XPO5: variants seen among roughly 807,000 people sequenced by gnomAD.
XPO5 encodes exportin 5, also known as exportin-5.
XPO5 carries 46 observed loss-of-function variants against 160.6 expected under a neutral mutation model. The observed-to-expected ratio is 0.29, with a 90% confidence interval of 0.23 to 0.37. XPO5 has a LOEUF of 0.37. XPO5 is among the 10% of genes least tolerant of loss of function. The probability of loss-of-function intolerance (pLI) is 1.00; values close to 1 mark genes in which losing one functional copy is unlikely to be tolerated. For missense variants in XPO5, 1,090 were observed against 1,463.9 expected (o/e 0.74, Z 4.17); for synonymous variants, 537 against 519.3 (o/e 1.03, Z -0.46).
chr6:43,566,198 G>C (rs969144317), intron 7 of XPO5, among the ~76,000 whole-genome samples: 1 of 152,140 alleles, frequency 6.6e-6, no homozygotes, highest in Non-Finnish European at 1.5e-5. Flanking sequence ...TTCGAGACCA[G>C]CCTGGCCAAC....
intron 3 of XPO5, among the ~76,000 whole-genome samples, chr6:43,572,075 CTTTTG>C (rs959206129): frequency 6.6e-5 from 10 of 152,056 alleles, no homozygotes; most frequent in Non-Finnish European, 7.4e-5. Context: ...ATGCTTTCTG[CTTTTG>C]TTTTGTTTTG....
chr6:43,574,197 G>A (rs1011113212), intron 1 of XPO5, among the ~76,000 whole-genome samples: 1 of 151,976 alleles, frequency 6.6e-6, no homozygotes, highest in Non-Finnish European at 1.5e-5. Context: ...CTACTCAGGA[G>A]GCTGAAGTGG....
intron 6 of XPO5, among the ~76,000 whole-genome samples, chr6:43,567,738 C>T (rs1451671597): frequency 1.3e-5 from 2 of 151,042 alleles, no homozygotes; most frequent in Non-Finnish European, 3.0e-5. Flanking sequence ...ACCAAAAAAA[C>T]AAAAAATAAA....
chr6:43,568,742 A>G lies in XPO5; in HGVS notation c.622-5T>C. ...CTCCTGAGAAGTATCTGTCTTCTGA[A>G]AGGAAGTATAAAGATCCAGTGTTTT... On this transcript the variant is annotated splice_polypyrimidine_tract_variant and splice_region_variant and intron_variant, in intron 5 of 31. Coordinates refer to ENST00000265351, the MANE Select transcript of XPO5 (RefSeq NM_020750.3). The G allele has an allele frequency of 6.4e-7, 1 of 1,574,586 alleles. No homozygotes were observed. The highest frequency in any genetic ancestry group is 1.2e-5 in the South Asian group (1 of 85,206).
chr6:43,540,029 CG>C (rs754802384), intron 20 of XPO5, among the ~76,000 whole-genome samples: 25 of 152,184 alleles, frequency 1.6e-4, no homozygotes, highest in Admixed American at 5.9e-4. Flanking sequence ...CCAAGATGGG[CG>C]GATCACCTGA....
In XPO5 at chr6:43,555,899, G is replaced by C; in HGVS notation, c.1378C>G (p.Gln460Glu). The part of the protein sequence containing the change: ...ACRLDPKTSF[Q>E]MAGEWLKYQL... The stretch of plus-strand genomic sequence containing the variant: ...TACTTTAGCCACTCCCCAGCCATCT[G>C]GAAGCTAGTTTTGGGATCCAAACGA... The change falls in exon 13 of 32, where the codon CAG becomes GAG. Residue 460 changes from glutamine (Q) to glutamate (E), a missense_variant. Transcript: ENST00000265351. The C allele has an allele frequency of 6.2e-7, 1 of 1,613,986 alleles. No homozygotes were observed. The highest frequency in any genetic ancestry group is 8.5e-7 in the Non-Finnish European group (1 of 1,179,882).
intron 26 of XPO5, 168 bp downstream of exon 26, chr6:43,527,466 G>T (rs1793670375): frequency 6.4e-6 from 4 of 622,676 alleles, no homozygotes; most frequent in South Asian, 5.9e-5. Context: ...TAGAGACAGG[G>T]TTTCACCATG....
intron 1 of XPO5, 147 bp from the exon 2 acceptor site, chr6:43,573,748 T>A: frequency 1.1e-6 from 1 of 910,618 alleles, no homozygotes; most frequent in African/African-American, 1.7e-5. Flanking sequence ...GTGGACTACT[T>A]GAGTCTAGGA....
chr6:43,558,445 A>G, intron 12 of XPO5, 56 bp downstream of exon 12: 3 of 1,456,018 alleles, frequency 2.1e-6, no homozygotes, highest in Non-Finnish European at 2.8e-6. Flanking sequence ...CATGATTCAT[A>G]ATACTAGATG....
At chr6:43,549,374 A>G in intron 17 of XPO5, 115 bp downstream of exon 17, 3 of 1,047,606 alleles carry the variant, frequency 2.9e-6, no homozygotes, top group South Asian at 3.4e-5. Flanking sequence ...AAGGATGCTT[A>G]TATGATGCAA....
At chr6:43,545,504 C>T (rs1034646737) in intron 20 of XPO5, among the ~76,000 whole-genome samples, 2 of 151,942 alleles carry the variant, frequency 1.3e-5, no homozygotes, top group African/African-American at 4.8e-5. Context: ...GCCAGGAGTT[C>T]GAGACCAGCC....
In XPO5 at chr6:43,530,780, A is replaced by C. The variant is rs1447497143; in HGVS notation, c.2585T>G (p.Phe862Cys). The change falls in exon 23 of 32, where the codon TTC (phenylalanine) becomes TGC (cysteine). Residue 862 changes from phenylalanine to cysteine, a missense_variant. By Grantham distance (205) the Phe-to-Cys change is radical (BLOSUM62 -2). Around this residue, in one of 3 missense-constraint regions of XPO5, gnomAD observed 810 missense variants for 1,139.0 expected, o/e 0.71. Coordinates refer to ENST00000265351, the MANE Select transcript of XPO5 (RefSeq NM_020750.3). ...GKAGPSMQQD[F>C]YTVEDLATQL... Reference sequence around the variant, plus strand: ...GGTAGCAAGGTCCTCCACAGTATAGAAGTCTTGCTGCATGGAAGGGCCTGC... The same window carrying C: ...GGTAGCAAGGTCCTCCACAGTATAGCAGTCTTGCTGCATGGAAGGGCCTGC... 1 of 1,613,892 alleles carries C rather than the reference A, an allele frequency of 6.2e-7. No individual in the cohort carries two copies. The highest frequency in any genetic ancestry group is 8.5e-7 in the Non-Finnish European group (1 of 1,179,840).
Position 43,523,762 on chromosome 6 carries a change from CAG to C in XPO5, c.*104_*105del. The C allele has an allele frequency of 6.4e-7, 1 of 1,567,890 alleles. No homozygotes were observed. The highest frequency in any genetic ancestry group is 1.1e-5 in the South Asian group (1 of 89,528). ...AGACCTGGATCTCTTTCCAGGCTGA[CAG>C]TGGTGGAAAGTGAGGTGGCAGTGCA... On this transcript the variant is annotated 3_prime_UTR_variant, in exon 32 of 32. Coordinates refer to ENST00000265351, the MANE Select transcript of XPO5 (RefSeq NM_020750.3).
In XPO5 at chr6:43,546,737, A is replaced by G; in HGVS notation, c.2176T>C (p.Tyr726His). ...LNRARMSFCVYSILGVVKRTC... is the reference protein window; with the variant it reads ...LNRARMSFCVHSILGVVKRTC... ...CGTTTCACCACACCCAGAATGCTGT[A>G]TACACAAAAGCTCATCTATAGAAAA... Residue 726 changes from tyrosine to histidine, a missense_variant, in exon 20 of 32, where the codon TAC becomes CAC. Physicochemically the swap from Tyr to His is moderately conservative, Grantham distance 83. Transcript: ENST00000265351. 1 of 1,598,644 alleles carries G rather than the reference A, an allele frequency of 6.3e-7. No individual in the cohort carries two copies.
At chr6:43,560,879 G>A (rs745657875) in intron 10 of XPO5, 45 bp downstream of exon 10, 9 of 1,466,020 alleles carry the variant, frequency 6.1e-6, no homozygotes, top group Non-Finnish European at 8.6e-6. Context: ...CTTGACATTG[G>A]TTCACCTAAC....
intron 2 of XPO5, 198 bp downstream of exon 2, chr6:43,573,282 T>G: frequency 3.0e-6 from 2 of 659,166 alleles, no homozygotes; most frequent in Non-Finnish European, 4.8e-6. Flanking sequence ...ACACTTTACA[T>G]GGATGAAGAA....
chr6:43,571,006 C>T lies in XPO5; in HGVS notation c.301-12G>A, dbSNP rs755826212. ...ATGTTCAATGTTCCCTGAAAAAGAACAAGAGATATTAAGAGATATGCAAGA... is the reference window on the plus strand; with the variant it reads ...ATGTTCAATGTTCCCTGAAAAAGAATAAGAGATATTAAGAGATATGCAAGA... On this transcript the variant is annotated splice_polypyrimidine_tract_variant and intron_variant, in intron 3 of 31. Coordinates refer to ENST00000265351, the MANE Select transcript of XPO5 (RefSeq NM_020750.3). 4 of 1,608,746 alleles carry T rather than the reference C, an allele frequency of 2.5e-6. No individual in the cohort carries two copies. Among genetic ancestry groups the T allele is most frequent in the Non-Finnish European group, 2.5e-6 (3 of 1,178,174 alleles).
intron 23 of XPO5, chr6:43,529,496 G>A: frequency 3.6e-6 from 1 of 274,370 alleles, no homozygotes. Flanking sequence ...GAAGCTTGCA[G>A]TGAGCCGAGA....
Position 43,525,546 on chromosome 6 carries a change from G to GT in XPO5, c.3066+292dup, listed in dbSNP as rs1275396811. On this transcript the variant is annotated intron_variant, in intron 28 of 31. Coordinates refer to ENST00000265351, the MANE Select transcript of XPO5 (RefSeq NM_020750.3). ...AAAAAATCAAAATGTGAGAAAACCT[G>GT]TATGTGTAGGATGGAGACAAAGCTC... 5 of 518,424 alleles carry GT rather than the reference G, an allele frequency of 9.6e-6. No individual in the cohort carries two copies. The East Asian group carries it at 9.7e-5, about 10-fold the overall frequency. 32.1% of individuals were successfully genotyped at this position (518,424 alleles called of 1,614,324 possible).
Sources: allele counts gnomAD v4.1 joint callset (sites outside exome capture counted in the v4.1 genomes callset), GRCh38; gene constraint gnomAD v4.1.1; regional missense constraint gnomAD v4.1.1; transcripts MANE v1.5; gene names NCBI Gene and HGNC (gene_info 2026-07-23, HGNC 2026-07-21).